Variants in ANKRD36C observed in about 807,000 individuals in gnomAD.
The protein encoded by ANKRD36C is ankyrin repeat domain-containing protein 36C.
A neutral mutation model predicts 276.4 loss-of-function variants in ANKRD36C; 61 were observed. The observed-to-expected ratio is 0.22, with a 90% CI of 0.18 to 0.27. The LOEUF is 0.27. ANKRD36C is among the 10% of genes least tolerant of loss of function. The probability of loss-of-function intolerance (pLI) is 1.00; values close to 1 mark genes in which losing one functional copy is unlikely to be tolerated. For synonymous variants in ANKRD36C, 483 were observed against 680.1 expected, an observed-to-expected ratio of 0.71 and a Z score of 4.51; for missense variants, 1,447 against 2,032.3, an observed-to-expected ratio of 0.71 and a Z score of 5.54.
chr2:95,865,743 C>T (rs1393047072), intron 60 of ANKRD36C, among the ~76,000 whole-genome samples: 1 of 151,996 alleles, frequency 6.6e-6, no homozygotes, highest in African/African-American at 2.4e-5. Flanking sequence ...TCTGTGTTGG[C>T]AATCAAAAAG....
At position 95,976,443 on chromosome 2, in the gene ANKRD36C, T is replaced by C. The variant is rs537981797; in HGVS notation, c.799+1679A>G. Among the ~76,000 whole-genome samples the C allele has an allele frequency of 6.8e-4, 103 of 152,322 alleles. 2 individuals carry two copies. The South Asian group carries it at 0.021, about 31-fold the overall frequency. ...CTTTGGACAAGGTGGTTCCAGTTAC[T>C]GCTGCCAGACTTTTGTTTCAGAATG... On this transcript the variant is annotated intron_variant, in intron 6 of 66. Transcript: ENST00000456556.
chr2:95,881,040 T>C (rs1676067160), intron 56 of ANKRD36C, among the ~76,000 whole-genome samples: 1 of 152,220 alleles, frequency 6.6e-6, no homozygotes, highest in Non-Finnish European at 1.5e-5. Flanking sequence ...ACATAAACAT[T>C]CATCATGCTC....
exon 38 of ANKRD36C, chr2:95,915,992 T>C: frequency 6.4e-7 from 1 of 1,552,296 alleles, no homozygotes; most frequent in Non-Finnish European, 8.7e-7. Flanking sequence ...GTCCTAGATA[T>C]TTCTCCATCC....
intron 3 of ANKRD36C, among the ~76,000 whole-genome samples, chr2:95,985,204 G>A (rs565639677): frequency 1.8e-4 from 28 of 152,282 alleles, no homozygotes; most frequent in African/African-American, 6.5e-4. Context: ...AAGAAAAGGT[G>A]TTATTCTCAT....
intron 22 of ANKRD36C, among the ~76,000 whole-genome samples, chr2:95,938,037 C>G (rs183739827): frequency 6.6e-6 from 1 of 152,028 alleles, no homozygotes; most frequent in East Asian, 1.9e-4. Flanking sequence ...GAAATATATT[C>G]CACTGATTAC....
chr2:95,892,865 C>T lies in ANKRD36C; in HGVS notation c.2756-1005G>A, dbSNP rs185280028. On this transcript the variant is annotated intron_variant, in intron 44 of 66. Transcript: ENST00000456556. ...ATCAACAAAACATGTATCTCTGATG[C>T]CTAATAGTAACAAAGAGGAGTAATG... Among the ~76,000 whole-genome samples, 458 of 151,288 alleles carry T rather than the reference C, an allele frequency of 3.0e-3. 2 individuals are homozygous for T. Among genetic ancestry groups the T allele is most frequent in the African/African-American group, 0.011 (440 of 41,360 alleles).
At chr2:95,897,502 A>C in intron 44 of ANKRD36C, 37 bp from the exon 59 acceptor site, 5 of 1,518,672 alleles carry the variant, frequency 3.3e-6, no homozygotes, top group African/African-American at 1.4e-5. Flanking sequence ...ACTCATATGT[A>C]AAAATGACAA....
rs2918829 is a variant in ANKRD36C at position 95,986,957 on chromosome 2, T to C, written c.313-33A>G. 1,428 of 1,611,404 alleles carry C rather than the reference T, an allele frequency of 8.9e-4. 34 individuals carry two copies. In the South Asian group the frequency reaches 0.015, roughly 17 times the overall value. On this transcript the variant is annotated intron_variant, in intron 2 of 66. Coordinates refer to ENST00000456556, the Ensembl canonical transcript of ANKRD36C. ...TATTAGACCGAGAAACATGCAAATATTGAAAAATCAAAATAAACACTCCGT... is the reference window on the plus strand; with the variant it reads ...TATTAGACCGAGAAACATGCAAATACTGAAAAATCAAAATAAACACTCCGT...
intron 30 of ANKRD36C, among the ~76,000 whole-genome samples, chr2:95,924,221 A>G (rs555551704): frequency 6.6e-6 from 1 of 151,642 alleles, no homozygotes; most frequent in Non-Finnish European, 1.5e-5. Flanking sequence ...GCTTGGATAT[A>G]TGGTTGGTGA....
intron 17 of ANKRD36C, among the ~76,000 whole-genome samples, chr2:95,946,156 G>GAAAAAAAAAAAAAAAAAAAA (rs56964568): frequency 3.7e-4 from 27 of 73,300 alleles, no homozygotes; most frequent in East Asian, 8.8e-4. Context: ...ACAGAGAGAG[G>GAAAAAAAAAAAAAAAAAAAA]AAAAAAAAAA....
chr2:95,854,476 A>G lies in ANKRD36C; in HGVS notation c.4996-615T>C, dbSNP rs1262659020. Among the ~76,000 whole-genome samples, 4 of 152,116 alleles carry G rather than the reference A, an allele frequency of 2.6e-5. 1 individual carries two copies. The highest frequency in any genetic ancestry group is 5.9e-5 in the Non-Finnish European group (4 of 68,038). On this transcript the variant is annotated intron_variant, in intron 63 of 66. Transcript: ENST00000456556. Reference sequence around the variant, plus strand: ...GTCTGAGAATGGGGATCCAGTGTCAAACTAATAAATCACAGATAGCTATGC... The same window carrying G: ...GTCTGAGAATGGGGATCCAGTGTCAGACTAATAAATCACAGATAGCTATGC...
intron 66 of ANKRD36C, 81 bp from the exon 87 acceptor site, chr2:95,851,276 C>T (rs1273972229): frequency 5.3e-6 from 5 of 946,788 alleles, no homozygotes; most frequent in Admixed American, 2.0e-5. Flanking sequence ...AGTCAAGGAG[C>T]ATCTGTACTG....
rs759200557 is a variant in ANKRD36C, at chr2:95,853,696, G to T, written c.5148+13C>A. ...AGATTAACAGTTGTTGGTGTGCAAAGTTGCATACATACTTGACTTCTCATC... is the reference window on the plus strand; with the variant it reads ...AGATTAACAGTTGTTGGTGTGCAAATTTGCATACATACTTGACTTCTCATC... On this transcript the variant is annotated intron_variant, in intron 64 of 66. Coordinates refer to ENST00000456556, the Ensembl canonical transcript of ANKRD36C. 1.3e-6 allele frequency: 2 copies of T among 1,565,326 alleles called. No homozygotes were observed. Among genetic ancestry groups the T allele is most frequent in the Non-Finnish European group, 1.7e-6 (2 of 1,154,010 alleles).
rs771919776 is a variant in ANKRD36C at position 95,921,595 on chromosome 2, T to C, written c.2245+12A>G. ...GATTGAACATGACATTAAATGTCTT[T>C]TGCAAAATTACCTGTCCCAGATTTT... On this transcript the variant is annotated intron_variant, in intron 34 of 66. Coordinates refer to ENST00000456556, the Ensembl canonical transcript of ANKRD36C. 10 of 1,602,664 alleles carry C rather than the reference T, an allele frequency of 6.2e-6. No homozygotes were observed. Among genetic ancestry groups the C allele is most frequent in the Non-Finnish European group, 8.5e-6 (10 of 1,173,874 alleles).
chr2:95,855,380 A>G, exon 63 of ANKRD36C: 1 of 1,613,392 alleles, frequency 6.2e-7, no homozygotes, highest in Non-Finnish European at 8.5e-7. Flanking sequence ...TTCTGCACTC[A>G]GCTTGAAGGT....
At chr2:95,867,294 T>A (rs1188496527) in intron 60 of ANKRD36C, 146 bp downstream of exon 80, 48 of 902,972 alleles carry the variant, frequency 5.3e-5, no homozygotes, top group Non-Finnish European at 7.4e-5. Context: ...AAGATACAGT[T>A]GCTTTCATTC....
chr2:95,920,244 C>A (rs1677227054), intron 34 of ANKRD36C, among the ~76,000 whole-genome samples: 1 of 132,938 alleles, frequency 7.5e-6, no homozygotes, highest in Non-Finnish European at 1.7e-5. Context: ...GCAACTCATA[C>A]ACGTGAGAAT....
At chr2:95,918,758 A>T (rs1206641993) in intron 34 of ANKRD36C, among the ~76,000 whole-genome samples, 1 of 151,520 alleles carries the variant, frequency 6.6e-6, no homozygotes, top group African/African-American at 2.4e-5. Flanking sequence ...CAATTTTGAC[A>T]TACTTCTACA....
intron 50 of ANKRD36C, among the ~76,000 whole-genome samples, chr2:95,886,965 AC>A (rs1676217078): frequency 1.3e-5 from 2 of 151,650 alleles, no homozygotes; most frequent in South Asian, 4.2e-4. Context: ...ACATAATTCT[AC>A]TAAATAAAAC....
Sources: gnomAD v4.1 joint callset for allele counts (sites outside exome capture counted in the v4.1 genomes callset) on GRCh38, gnomAD v4.1.1 for gene constraint, MANE v1.5 for transcripts, NCBI Gene and HGNC (gene_info 2026-07-23, HGNC 2026-07-21) for gene names.